The following PDE2A variants were observed in gnomAD, a reference collection of about 807,000 sequenced individuals.
PDE2A encodes the protein phosphodiesterase 2A.
In PDE2A, 53 loss-of-function variants were observed where a neutral mutation model predicts 133.6. The observed-to-expected ratio is 0.40, with a 90% confidence interval of 0.32 to 0.50. The LOEUF is 0.50. Ranked by LOEUF, PDE2A falls within the 20% of genes least tolerant of loss-of-function variation. PDE2A has a pLI of 0.73. For missense variants in PDE2A, 796 were observed against 1,232.4 expected (o/e 0.65, Z 5.30); for synonymous variants, 491 against 490.2 (o/e 1.00, Z -0.02).
At chr11:72,582,753 C>T (rs537629197) in intron 20 of PDE2A, among the ~76,000 whole-genome samples, 187 bp from the exon 21 acceptor site, 9 of 152,276 alleles carry the variant, frequency 5.9e-5, no homozygotes, top group South Asian at 4.1e-4. Context: ...CCACCCCGCG[C>T]GCCTCCCTGC....
chr11:72,628,504 G>A (rs1226562969), intron 2 of PDE2A, among the ~76,000 whole-genome samples: 1 of 151,988 alleles, frequency 6.6e-6, no homozygotes, highest in Non-Finnish European at 1.5e-5. Context: ...CTAATTTTTT[G>A]TATTTTTAGT....
intron 23 of PDE2A, 77 bp from the exon 24 acceptor site, chr11:72,581,050 G>T: frequency 9.6e-7 from 1 of 1,040,116 alleles, no homozygotes; most frequent in South Asian, 1.3e-5. Flanking sequence ...AGGACAGACA[G>T]GAGATGACAT....
Position 72,595,517 on chromosome 11 carries a change from C to T in PDE2A, c.489+1076G>A, listed in dbSNP as rs116804271. On this transcript the variant is annotated intron_variant, in intron 6 of 30. Transcript: ENST00000334456. ...GAGACCCAGCCAAGTACCCCTCCTC[C>T]CCTCCCCCCTCTCCTCCCCTCTCAG... is the stretch of plus-strand genomic sequence containing the variant. Among the ~76,000 whole-genome samples, 780 of 152,210 alleles carry T rather than the reference C, an allele frequency of 5.1e-3. 4 individuals are homozygous for T. The highest frequency in any genetic ancestry group is 0.018 in the African/African-American group (744 of 41,514).
At chr11:72,593,751 A>G (rs754278188) in intron 6 of PDE2A, among the ~76,000 whole-genome samples, 1 of 152,196 alleles carries the variant, frequency 6.6e-6, no homozygotes, top group Non-Finnish European at 1.5e-5. Context: ...GTAAAGGCCC[A>G]GAAGTCAGCC....
Position 72,590,294 on chromosome 11 carries a change from G to A in PDE2A, c.704-50C>T, listed in dbSNP as rs1436662538. On this transcript the variant is annotated intron_variant, in intron 8 of 30. Coordinates refer to ENST00000334456, the MANE Select transcript of PDE2A (RefSeq NM_002599.5). This position sits in a 1 kb window ranked among gnomAD's most constrained non-coding sequence, Gnocchi z 4.8. The stretch of plus-strand genomic sequence containing the variant: ...AGAGAGGGCCCCTCCGCACCTCCGT[G>A]TCCGGGTCCCTCAGGCGCCGCTCAG... 6.5e-7 allele frequency: 1 copy of A among 1,543,080 alleles called. No individual in the cohort carries two copies. Among genetic ancestry groups the A allele is most frequent in the Non-Finnish European group, 8.8e-7 (1 of 1,139,926 alleles).
rs748847710 is a variant in PDE2A, at chr11:72,576,506, G to A, written c.*878C>T. 1 of 164,236 alleles carries A rather than the reference G, an allele frequency of 6.1e-6. No individual in the cohort carries two copies. Among genetic ancestry groups the A allele is most frequent in the African/African-American group, 2.4e-5 (1 of 41,480 alleles). The allele number at this position is 164,236 out of a possible 1,614,324, so 10.2% of individuals were successfully genotyped here. On this transcript the variant is annotated 3_prime_UTR_variant, in exon 31 of 31. Coordinates refer to ENST00000334456, the MANE Select transcript of PDE2A (RefSeq NM_002599.5). ...TCAGGGGGCCTCTGAGACACTCAGGGTTGGGCTCTCTGTGCCTTAGGGTTG... is the reference window on the plus strand; with the variant it reads ...TCAGGGGGCCTCTGAGACACTCAGGATTGGGCTCTCTGTGCCTTAGGGTTG...
chr11:72,645,737 TG>T (rs1313822716), intron 1 of PDE2A, among the ~76,000 whole-genome samples: 1 of 152,266 alleles, frequency 6.6e-6, no homozygotes, highest in African/African-American at 2.4e-5. Context: ...GGGCCAGGGC[TG>T]GCCCCTACTG....
chr11:72,633,529 G>A (rs1858525840), intron 2 of PDE2A, among the ~76,000 whole-genome samples: 1 of 152,214 alleles, frequency 6.6e-6, no homozygotes, highest in South Asian at 2.1e-4. Flanking sequence ...AGGCCTGACA[G>A]GAAGAGGAGG....
chr11:72,647,906 T>A (rs1445403948), intron 1 of PDE2A, among the ~76,000 whole-genome samples: 3 of 152,202 alleles, frequency 2.0e-5, no homozygotes, highest in African/African-American at 7.2e-5. Flanking sequence ...AACTTATATG[T>A]GTATACACAG....
intron 1 of PDE2A, among the ~76,000 whole-genome samples, chr11:72,648,591 C>A (rs573804267): frequency 6.6e-6 from 1 of 152,256 alleles, no homozygotes; most frequent in African/African-American, 2.4e-5. Context: ...TTGTCTGCAG[C>A]AGATGGCTGG....
At position 72,578,150 on chromosome 11, in the gene PDE2A, C is replaced by A; in HGVS notation, c.2615+83G>T. On this transcript the variant is annotated intron_variant, in intron 30 of 30. Coordinates refer to ENST00000334456, the MANE Select transcript of PDE2A (RefSeq NM_002599.5). This position sits in a 1 kb window ranked among gnomAD's most constrained non-coding sequence, Gnocchi z 4.2. ...AGTTGGACCTGGGCCAGGCCAATCT[C>A]AGCACCTGTGTTTCCTGTGATGTCC... 1 of 894,644 alleles carries A rather than the reference C, an allele frequency of 1.1e-6. No individual in the cohort carries two copies. 55.4% of individuals were successfully genotyped at this position (894,644 alleles called of 1,614,324 possible). A position where few individuals can be genotyped will look rare whatever the true frequency, so the allele number is the denominator to read the frequency against.
chr11:72,609,922 A>G (rs1857129367), intron 2 of PDE2A, among the ~76,000 whole-genome samples: 1 of 151,960 alleles, frequency 6.6e-6, no homozygotes, highest in Non-Finnish European at 1.5e-5. Context: ...AGAAATAAAA[A>G]TGCTCAAATT....
At chr11:72,617,453 C>T (rs1027868610) in intron 2 of PDE2A, among the ~76,000 whole-genome samples, 6 of 152,206 alleles carry the variant, frequency 3.9e-5, no homozygotes, top group Non-Finnish European at 7.3e-5. Flanking sequence ...CTCCCTGCCT[C>T]TCAGCCTCCC....
At chr11:72,589,442 G>A (rs1345860069) in intron 11 of PDE2A, among the ~76,000 whole-genome samples, 2 of 152,092 alleles carry the variant, frequency 1.3e-5, no homozygotes, top group Non-Finnish European at 2.9e-5. Context: ...CCCTAACTAC[G>A]AGAGAGATAA....
At chr11:72,585,808 A>T (rs1028198991) in intron 14 of PDE2A, among the ~76,000 whole-genome samples, 1 of 152,234 alleles carries the variant, frequency 6.6e-6, no homozygotes, top group Non-Finnish European at 1.5e-5. Context: ...TGAGTGTCTC[A>T]GCCGCCTTCA....
intron 2 of PDE2A, among the ~76,000 whole-genome samples, chr11:72,611,347 G>C (rs998148110): frequency 3.3e-5 from 5 of 152,128 alleles, no homozygotes; most frequent in African/African-American, 4.8e-5. Context: ...TGGATCTCTA[G>C]CCCTGTCTGG....
intron 4 of PDE2A, chr11:72,599,030 G>T: frequency 1.0e-6 from 1 of 985,392 alleles, no homozygotes; most frequent in Non-Finnish European, 1.2e-6. Flanking sequence ...GCTTCACGGA[G>T]GCAGGGGGTG....
chr11:72,591,067 C>A, intron 7 of PDE2A: 1 of 519,038 alleles, frequency 1.9e-6, no homozygotes. Context: ...GATATTTGAC[C>A]AGTTTTGTTT....
intron 1 of PDE2A, among the ~76,000 whole-genome samples, chr11:72,655,028 T>C (rs1854854439): frequency 6.6e-6 from 1 of 151,980 alleles, no homozygotes; most frequent in South Asian, 2.1e-4. Context: ...AGTGCCCAGG[T>C]TGGGGACAGT....
Sources: allele counts gnomAD v4.1 joint callset (sites outside exome capture counted in the v4.1 genomes callset), GRCh38; gene constraint gnomAD v4.1.1; non-coding constraint Gnocchi (gnomAD v3.1); transcripts MANE v1.5; gene names NCBI Gene and HGNC (gene_info 2026-07-23, HGNC 2026-07-21).